The following WDR31 variants were observed in gnomAD, a reference collection of about 807,000 sequenced individuals.
WDR31 encodes the protein WD repeat-containing protein 31.
WDR31 carries 30 observed loss-of-function variants against 47.3 expected under a neutral mutation model. The observed-to-expected ratio is 0.63, with a 90% CI of 0.47 to 0.86. The LOEUF (loss-of-function observed/expected upper bound fraction) is 0.86. Ranked by LOEUF, WDR31 falls within the 40% of genes least tolerant of loss-of-function variation. The probability of loss-of-function intolerance (pLI) is 0.00; values close to 1 mark genes in which losing one functional copy is unlikely to be tolerated. For missense variants in WDR31, 406 were observed against 442.9 expected, an observed-to-expected ratio of 0.92 and a Z score of 0.75; for synonymous variants, 137 against 159.4, an observed-to-expected ratio of 0.86 and a Z score of 1.06.
At chr9:113,333,430 G>A (rs1407617480) in intron 2 of WDR31, among the ~76,000 whole-genome samples, 2 of 144,524 alleles carry the variant, frequency 1.4e-5, no homozygotes, top group African/African-American at 5.1e-5. Flanking sequence ...GCCGGACTGC[G>A]GACTGCAGTG....
chr9:113,319,395 A>T (rs1459646606), intron 9 of WDR31, among the ~76,000 whole-genome samples: 1 of 152,192 alleles, frequency 6.6e-6, no homozygotes, highest in African/African-American at 2.4e-5. Flanking sequence ...TTTACTAGGG[A>T]TGTGGTCTTG....
At chr9:113,331,852 G>A in intron 3 of WDR31, 55 bp downstream of exon 3, 6 of 1,535,922 alleles carry the variant, frequency 3.9e-6, no homozygotes, top group East Asian at 2.3e-5. Context: ...TTCTTCAGTG[G>A]AGAGTTTTAA....
intron 8 of WDR31, among the ~76,000 whole-genome samples, chr9:113,320,991 C>A (rs1833314497): frequency 1.3e-5 from 2 of 152,182 alleles, no homozygotes; most frequent in Admixed American, 1.3e-4. Flanking sequence ...TACCTCTTTA[C>A]CCCATTCCTA....
rs1043596062 is a variant in WDR31, at chr9:113,316,800, G to A, written c.1053C>T (p.Leu351=). The change falls in exon 11 of 11, where the codon CTC becomes CTT. Residue 351 remains leucine, a synonymous_variant. Coordinates refer to ENST00000374193, the MANE Select transcript of WDR31 (RefSeq NM_001012361.4). The part of the protein sequence containing the change: ...CASFNRGIHL[L]RMDHSQGLEL... Reference sequence around the variant, plus strand: ...CCAGCCCTTGGCTGTGGTCCATTCTGAGTAAGTGAATTCCTCTGTTAAAAC... The same window carrying A: ...CCAGCCCTTGGCTGTGGTCCATTCTAAGTAAGTGAATTCCTCTGTTAAAAC... 1.1e-5 allele frequency: 18 copies of A among 1,614,010 alleles called. No homozygotes were observed. The highest frequency in any genetic ancestry group is 2.2e-5 in the East Asian group (1 of 44,892).
At chr9:113,320,333 C>A (rs1343662112) in intron 9 of WDR31, 24 bp downstream of exon 9, 6 of 1,612,282 alleles carry the variant, frequency 3.7e-6, no homozygotes, top group Non-Finnish European at 4.2e-6. Context: ...CAACCAGATA[C>A]CTGGACCTCA....
chr9:113,331,097 C>T lies in WDR31; in HGVS notation c.136G>A (p.Glu46Lys). 1.4e-6 allele frequency: 2 copies of T among 1,388,578 alleles called. No individual in the cohort carries two copies. The highest frequency in any genetic ancestry group is 1.9e-6 in the Non-Finnish European group (2 of 1,042,890). The allele number at this position is 1,388,578 out of a possible 1,614,324, so 86.0% of individuals were successfully genotyped here. The change falls in exon 4 of 11, where the codon GAA becomes AAA. Residue 46 changes from glutamate (E) to lysine (K), a missense_variant. Transcript: ENST00000374193. Reference sequence around the variant, plus strand: ...AAAGCTTTAGTTTGAATTCTCTCTTCTATAATTTCATCAGGCCTGCTAAAA... The same window carrying T: ...AAAGCTTTAGTTTGAATTCTCTCTTTTATAATTTCATCAGGCCTGCTAAAA... ...YKYGRPDEII[E>K]ERIQTKAFQE...
intron 1 of WDR31, among the ~76,000 whole-genome samples, chr9:113,337,087 G>A (rs1564317669): frequency 6.6e-6 from 1 of 152,206 alleles, no homozygotes; most frequent in Non-Finnish European, 1.5e-5. Flanking sequence ...ATTAAGGGCA[G>A]CACAGAATAG....
intron 5 of WDR31, among the ~76,000 whole-genome samples, chr9:113,328,314 T>C (rs1261032056): frequency 1.3e-5 from 2 of 152,210 alleles, no homozygotes; most frequent in Non-Finnish European, 2.9e-5. Context: ...TGCTATGGGA[T>C]TGTGGCTGAT....
At chr9:113,327,027 G>C (rs951989497) in intron 5 of WDR31, among the ~76,000 whole-genome samples, 2 of 151,718 alleles carry the variant, frequency 1.3e-5, no homozygotes, top group Admixed American at 1.3e-4. Context: ...GTGGAGATGG[G>C]GTCTCATTAT....
chr9:113,326,259 C>T (rs1156824446), intron 5 of WDR31, among the ~76,000 whole-genome samples: 1 of 152,206 alleles, frequency 6.6e-6, no homozygotes, highest in Non-Finnish European at 1.5e-5. Context: ...TTGAGGAATG[C>T]TTTGCATATG....
intron 5 of WDR31, among the ~76,000 whole-genome samples, 180 bp downstream of exon 5, chr9:113,328,701 C>T (rs959819803): frequency 1.3e-5 from 2 of 152,204 alleles, no homozygotes; most frequent in Non-Finnish European, 2.9e-5. Context: ...TTCGATATGC[C>T]TGTAACAACA....
At chr9:113,339,222 T>C (rs1447265329) in intron 1 of WDR31, among the ~76,000 whole-genome samples, 1 of 152,084 alleles carries the variant, frequency 6.6e-6, no homozygotes, top group Non-Finnish European at 1.5e-5. Context: ...CTCTTTTAAC[T>C]CTCCAGTGCA....
intron 4 of WDR31, among the ~76,000 whole-genome samples, chr9:113,329,323 GT>G (rs1833542961): frequency 6.6e-6 from 1 of 150,568 alleles, no homozygotes; most frequent in African/African-American, 2.4e-5. Context: ...GTATTTTTTT[GT>G]TGTGGTGTTT....
chr9:113,318,437 A>G (rs1219072553), intron 10 of WDR31, 38 bp downstream of exon 10: 2 of 1,612,934 alleles, frequency 1.2e-6, no homozygotes, highest in African/African-American at 2.7e-5. Flanking sequence ...TTAGGACTTC[A>G]TGTATCTTTT....
At chr9:113,337,411 CT>C (rs975356489) in intron 1 of WDR31, among the ~76,000 whole-genome samples, 1 of 151,324 alleles carries the variant, frequency 6.6e-6, no homozygotes, top group African/African-American at 2.4e-5. Flanking sequence ...AAATCTAAAA[CT>C]TTTTGAGCAC....
chr9:113,334,703 C>CTTTTTT (rs71367719), intron 2 of WDR31, among the ~76,000 whole-genome samples: 11 of 63,036 alleles, frequency 1.7e-4, no homozygotes, highest in East Asian at 1.2e-3. Context: ...CTACATCAGG[C>CTTTTTT]TTTTTTTTTT....
chr9:113,328,945 G>C lies in WDR31; in HGVS notation c.260C>G (p.Ala87Gly). ...VSGGKDKTVV[A>G]YNWKTGNVVK... Reference sequence around the variant, plus strand: ...CACATTTCCAGTTTTCCAATTATAGGCCACAACTGTCTGAAGAGAGTGAAG... The same window carrying C: ...CACATTTCCAGTTTTCCAATTATAGCCCACAACTGTCTGAAGAGAGTGAAG... Residue 87 changes from alanine (A) to glycine (G), a missense_variant, in exon 5 of 11, where the codon GCC becomes GGC. Transcript: ENST00000374193. 1.9e-6 allele frequency: 3 copies of C among 1,613,692 alleles called. No individual in the cohort carries two copies. Among genetic ancestry groups the C allele is most frequent in the Non-Finnish European group, 1.7e-6 (2 of 1,179,722 alleles).
chr9:113,318,949 TCATGGGGAACC>T (rs956321008), intron 9 of WDR31, among the ~76,000 whole-genome samples: 2 of 152,256 alleles, frequency 1.3e-5, no homozygotes, highest in African/African-American at 4.8e-5. Flanking sequence ...TGGTGTTCCA[TCATGGGGAACC>T]CATGGGGAGC....
chr9:113,332,438 C>G (rs1791602842), intron 2 of WDR31, among the ~76,000 whole-genome samples: 1 of 152,154 alleles, frequency 6.6e-6, no homozygotes, highest in South Asian at 2.1e-4. Flanking sequence ...TGTGGTCAAT[C>G]CACACAATGA....
Sources: gnomAD v4.1 joint callset for allele counts (sites outside exome capture counted in the v4.1 genomes callset) on GRCh38, gnomAD v4.1.1 for gene constraint, MANE v1.5 for transcripts, NCBI Gene and HGNC (gene_info 2026-07-23, HGNC 2026-07-21) for gene names.